MGAT4D: variants seen among roughly 807,000 people sequenced by gnomAD.
The protein encoded by MGAT4D is alpha-1,3-mannosyl-glycoprotein 4-beta-N-acetylglucosaminyltransferase-like protein MGAT4D.
MGAT4D carries 34 observed loss-of-function variants against 15.9 expected under a neutral mutation model. The observed-to-expected ratio is 2.14, with a 90% CI of 1.62 to 2.84. The LOEUF is 2.84. Ranked by LOEUF, MGAT4D falls within the 30% of genes most tolerant of loss-of-function variation. The pLI is 0.00. For synonymous variants in MGAT4D, 112 were observed against 48.2 expected (o/e 2.33, Z -5.49); for missense variants, 327 against 140.2 (o/e 2.33, Z -6.73).
In MGAT4D at chr4:140,448,543, C is replaced by G. The variant is rs557943997; in HGVS notation, c.1116+2867G>C. On this transcript the variant is annotated intron_variant, in intron 10 of 10. Transcript: ENST00000511113. ...TATTCTTGTAGTGTGTTTTTCAGCT[C>G]TATCAGGTCAGTTAGATTATTTTTT... Among the ~76,000 whole-genome samples the G allele has an allele frequency of 2.6e-5, 4 of 152,290 alleles. No homozygotes were observed. In the East Asian group the frequency reaches 5.8e-4, roughly 22 times the overall value.
intron 3 of MGAT4D, among the ~76,000 whole-genome samples, chr4:140,477,337 C>A (rs1732404030): frequency 6.6e-6 from 1 of 152,192 alleles, no homozygotes; most frequent in South Asian, 2.1e-4. Context: ...ATTACCTTAT[C>A]ATTTGTCTCT....
chr4:140,443,284 T>C lies in MGAT4D; in HGVS notation c.*152A>G, dbSNP rs1232798648. ...TTCTACCTTGTCTTGACATAAGAAGTCATTTAGTACTTTCAAGTCTACTAG... is the reference window on the plus strand; with the variant it reads ...TTCTACCTTGTCTTGACATAAGAAGCCATTTAGTACTTTCAAGTCTACTAG... On this transcript the variant is annotated 3_prime_UTR_variant, in exon 11 of 11. Coordinates refer to ENST00000511113, the MANE Select transcript of MGAT4D (RefSeq NM_001277353.2). 9 of 308,488 alleles carry C rather than the reference T, an allele frequency of 2.9e-5. No individual in the cohort carries two copies. The highest frequency in any genetic ancestry group is 1.2e-5 in the Non-Finnish European group (2 of 169,184). 19.1% of individuals were successfully genotyped at this position (308,488 alleles called of 1,614,324 possible). A position where few individuals can be genotyped will look rare whatever the true frequency, so the allele number is the denominator to read the frequency against.
chr4:140,462,770 A>AATG (rs1380634911), intron 6 of MGAT4D: 1 of 152,160 alleles, frequency 6.6e-6, no homozygotes, highest in Non-Finnish European at 1.5e-5. Flanking sequence ...AAAAATTTTG[A>AATG]ATGATAACTG....
intron 5 of MGAT4D, among the ~76,000 whole-genome samples, chr4:140,465,595 A>G (rs941796286): frequency 2.0e-5 from 3 of 152,216 alleles, no homozygotes; most frequent in African/African-American, 7.2e-5. Context: ...TTGTACCATC[A>G]AGGTAAAGGA....
At chr4:140,468,712 T>C (rs948690129) in intron 5 of MGAT4D, among the ~76,000 whole-genome samples, 1 of 152,174 alleles carries the variant, frequency 6.6e-6, no homozygotes, top group Non-Finnish European at 1.5e-5. Context: ...TACATGTATA[T>C]GGTGTTTTGT....
intron 1 of MGAT4D, among the ~76,000 whole-genome samples, chr4:140,491,708 AG>A (rs1291724981): frequency 6.6e-6 from 1 of 151,892 alleles, no homozygotes; most frequent in Non-Finnish European, 1.5e-5. Flanking sequence ...ATATCCCTTA[AG>A]GGAACAGAGA....
At chr4:140,447,412 G>C (rs1159614859) in intron 10 of MGAT4D, among the ~76,000 whole-genome samples, 2 of 152,056 alleles carry the variant, frequency 1.3e-5, no homozygotes, top group Non-Finnish European at 2.9e-5. Flanking sequence ...TATATATTTA[G>C]GATAGTTAGC....
chr4:140,476,467 T>C (rs985731326), intron 3 of MGAT4D, among the ~76,000 whole-genome samples: 3 of 152,210 alleles, frequency 2.0e-5, no homozygotes, highest in Non-Finnish European at 4.4e-5. Context: ...TTGCCTTTCA[T>C]ATTTAGAGCT....
At chr4:140,474,579 T>C (rs762748422) in intron 4 of MGAT4D, among the ~76,000 whole-genome samples, 5 of 152,216 alleles carry the variant, frequency 3.3e-5, no homozygotes, top group Non-Finnish European at 5.9e-5. Flanking sequence ...CAATCTTATA[T>C]TTCCCACATG....
intron 6 of MGAT4D, among the ~76,000 whole-genome samples, 181 bp downstream of exon 6, chr4:140,464,715 A>G (rs894055710): frequency 1.3e-5 from 2 of 152,210 alleles, no homozygotes; most frequent in East Asian, 1.9e-4. Flanking sequence ...GGCTAATGCT[A>G]TCAACTCGAT....
intron 2 of MGAT4D, 137 bp downstream of exon 2, chr4:140,482,190 C>A (rs534952535): frequency 6.3e-6 from 3 of 479,852 alleles, no homozygotes; most frequent in East Asian, 6.9e-5. Flanking sequence ...ATATCTCTTA[C>A]CTGATTTTTG....
At chr4:140,454,405 A>C (rs541709041) in intron 9 of MGAT4D, among the ~76,000 whole-genome samples, 3 of 152,318 alleles carry the variant, frequency 2.0e-5, no homozygotes, top group East Asian at 1.9e-4. Context: ...TTGGTGGGTT[A>C]CACTGTATGA....
chr4:140,448,000 A>G (rs1730241147), intron 10 of MGAT4D, among the ~76,000 whole-genome samples: 1 of 152,108 alleles, frequency 6.6e-6, no homozygotes, highest in South Asian at 2.1e-4. Flanking sequence ...TTGGTTGAAG[A>G]TATTTTTTCT....
At chr4:140,481,436 C>G (rs1427488031) in intron 2 of MGAT4D, among the ~76,000 whole-genome samples, 1 of 152,082 alleles carries the variant, frequency 6.6e-6, no homozygotes, top group Admixed American at 6.5e-5. Flanking sequence ...TTACATATGC[C>G]CTGTCAATCC....
chr4:140,445,071 G>A (rs1730030382), intron 10 of MGAT4D, among the ~76,000 whole-genome samples: 1 of 152,004 alleles, frequency 6.6e-6, no homozygotes, highest in South Asian at 2.1e-4. Context: ...TTTTAGTAGA[G>A]ATGGGGTTTC....
At chr4:140,451,193 A>T (rs1490598694) in intron 10 of MGAT4D, among the ~76,000 whole-genome samples, 1 of 152,166 alleles carries the variant, frequency 6.6e-6, no homozygotes, top group Non-Finnish European at 1.5e-5. Context: ...TAGTTTATGT[A>T]GGCTGAATTC....
intron 1 of MGAT4D, among the ~76,000 whole-genome samples, chr4:140,485,324 T>C (rs990435154): frequency 2.0e-5 from 3 of 151,972 alleles, no homozygotes; most frequent in African/African-American, 7.2e-5. Flanking sequence ...CACTGCATGT[T>C]CTCAGTCATA....
intron 1 of MGAT4D, among the ~76,000 whole-genome samples, chr4:140,495,464 G>A (rs1196957668): frequency 6.6e-6 from 1 of 152,120 alleles, no homozygotes; most frequent in Non-Finnish European, 1.5e-5. Flanking sequence ...AACATGAATA[G>A]GTAGTTATTA....
chr4:140,469,006 T>A (rs1311378096), intron 5 of MGAT4D, among the ~76,000 whole-genome samples: 1 of 152,162 alleles, frequency 6.6e-6, no homozygotes, highest in Non-Finnish European at 1.5e-5. Flanking sequence ...CTGCCTTGCT[T>A]CATCAGCCCC....
Sources: allele counts gnomAD v4.1 joint callset (sites outside exome capture counted in the v4.1 genomes callset), GRCh38; gene constraint gnomAD v4.1.1; transcripts MANE v1.5; gene names NCBI Gene and HGNC (gene_info 2026-07-23, HGNC 2026-07-21).